The following FBXO27 variants were observed in gnomAD, a reference collection of about 807,000 sequenced individuals.
FBXO27 encodes the protein F-box protein 27.
A neutral mutation model predicts 28.3 loss-of-function variants in FBXO27; 28 were observed. The observed-to-expected ratio is 0.99, with a 90% confidence interval of 0.73 to 1.36. The LOEUF is 1.36. Among genes scored for constraint, FBXO27 ranks in the 40% most tolerant of loss-of-function variants. The pLI is 0.00. For synonymous variants in FBXO27, 175 were observed against 167.3 expected (o/e 1.05, Z -0.36); for missense variants, 388 against 394.1 (o/e 0.98, Z 0.13).
Position 39,032,323 on chromosome 19 carries a change from G to C in FBXO27, c.-26-70C>G. 7.4e-7 allele frequency: 1 copy of C among 1,359,222 alleles called. No individual in the cohort carries two copies. The highest frequency in any genetic ancestry group is 3.1e-5 in the East Asian group (1 of 32,200). The allele number at this position is 1,359,222 out of a possible 1,614,324, so 84.2% of individuals were successfully genotyped here. On this transcript the variant is annotated intron_variant, in intron 1 of 5. Coordinates refer to ENST00000292853, the MANE Select transcript of FBXO27 (RefSeq NM_178820.5). The surrounding 1 kb of genome is among the most constrained non-coding windows in gnomAD (Gnocchi z 4.7). ...GCGGCGCGCAGCCTCTGCCTGCCCT[G>C]ATTCTGCCAGCCGCACCCCCGTCTT...
intron 2 of FBXO27, among the ~76,000 whole-genome samples, chr19:39,013,011 A>G (rs1600222968): frequency 6.6e-6 from 1 of 151,924 alleles, no homozygotes; most frequent in Non-Finnish European, 1.5e-5. Flanking sequence ...GAAATCCTAA[A>G]TTTTCAAAAT....
intron 2 of FBXO27, among the ~76,000 whole-genome samples, chr19:39,013,377 C>T (rs146383709): frequency 0.02 from 3,058 of 152,258 alleles, 97 homozygotes; most frequent in African/African-American, 0.069. Flanking sequence ...TGCCTGCAAT[C>T]CCAGCACTTT....
intron 5 of FBXO27, 25 bp downstream of exon 5, chr19:39,026,844 TC>T (rs766519150): frequency 6.2e-7 from 1 of 1,612,942 alleles, no homozygotes; most frequent in Non-Finnish European, 8.5e-7. Context: ...CAGCATCCTT[TC>T]CCCAAACCCC....
chr19:39,026,475 T>C (rs370634083), intron 5 of FBXO27, among the ~76,000 whole-genome samples: 10 of 152,160 alleles, frequency 6.6e-5, no homozygotes, highest in African/African-American at 2.4e-4. Flanking sequence ...GTCAAATGAC[T>C]GTCATTGATT....
Position 39,018,750 on chromosome 19 carries a change from T to C in FBXO27, c.92-4203A>G, listed in dbSNP as rs151148154. 5.5e-4 allele frequency among the ~76,000 whole-genome samples: 84 copies of C among 152,284 alleles called. No homozygotes were observed. In the East Asian group the frequency reaches 0.015, roughly 27 times the overall value. On this transcript the variant is annotated intron_variant, in intron 1 of 2. Coordinates refer to the FBXO27 transcript ENST00000598394. ...GGCAAGCAGGAAATCCTTGCACTTT[T>C]TGTGAAATACCTTTTTATCTCATAC... is the stretch of plus-strand genomic sequence containing the variant.
At chr19:39,012,498 T>G (rs1371300079) in intron 2 of FBXO27, among the ~76,000 whole-genome samples, 1 of 152,214 alleles carries the variant, frequency 6.6e-6, no homozygotes, top group Non-Finnish European at 1.5e-5. Flanking sequence ...TTTCAAATTC[T>G]CATCTAAATG....
chr19:39,018,758 T>A (rs2072830985), intron 1 of FBXO27, among the ~76,000 whole-genome samples: 1 of 152,110 alleles, frequency 6.6e-6, no homozygotes, highest in East Asian at 1.9e-4. Flanking sequence ...TTTTGTGAAA[T>A]ACCTTTTTAT....
intron 5 of FBXO27, among the ~76,000 whole-genome samples, chr19:39,025,764 C>T (rs1270848415): frequency 1.3e-5 from 2 of 152,126 alleles, no homozygotes; most frequent in African/African-American, 4.8e-5. Flanking sequence ...CCTGTAATCC[C>T]AGCACTTTGG....
intron 2 of FBXO27, among the ~76,000 whole-genome samples, chr19:39,006,722 T>C (rs1975736669): frequency 6.6e-6 from 1 of 152,086 alleles, no homozygotes; most frequent in South Asian, 2.1e-4. Flanking sequence ...AAGTTGAAGC[T>C]GATCTGAACA....
At chr19:39,022,138 TTTCTA>T (rs1186992095), downstream of FBXO27, among the ~76,000 whole-genome samples, 41 of 137,574 alleles carry the variant, frequency 3.0e-4, no homozygotes, top group African/African-American at 7.1e-4. Flanking sequence ...CCCCAAATAT[TTTCTA>T]TTCTTTTTTT....
At chr19:39,026,781 C>A in intron 5 of FBXO27, 89 bp downstream of exon 5, 1 of 1,575,848 alleles carries the variant, frequency 6.3e-7, no homozygotes, top group Non-Finnish European at 8.6e-7. Flanking sequence ...CAGACTGTCA[C>A]TGATTTTAAG....
At chr19:39,025,889 G>A (rs1370432893) in intron 5 of FBXO27, among the ~76,000 whole-genome samples, 1 of 151,996 alleles carries the variant, frequency 6.6e-6, no homozygotes, top group African/African-American at 2.4e-5. Flanking sequence ...TTGGTGGCAC[G>A]TGCCTGTAGT....
chr19:39,008,449 T>C (rs80190658), intron 2 of FBXO27, among the ~76,000 whole-genome samples: 2,405 of 152,312 alleles, frequency 0.016, 29 homozygotes, highest in Middle Eastern at 0.027. Context: ...AAAATCAGTA[T>C]GTCTCATTCG....
At chr19:39,028,626 G>A (rs1020046741) in intron 4 of FBXO27, among the ~76,000 whole-genome samples, 3 of 152,012 alleles carry the variant, frequency 2.0e-5, no homozygotes, top group African/African-American at 7.2e-5. Context: ...ACTTTGGGAG[G>A]CAGAGGCGGG....
intron 1 of FBXO27, among the ~76,000 whole-genome samples, chr19:39,016,477 C>T (rs111262364): frequency 9.3e-5 from 14 of 150,994 alleles, no homozygotes; most frequent in African/African-American, 2.9e-4. Context: ...CTAGGCTGGG[C>T]GCGGTGGCTC....
intron 2 of FBXO27, among the ~76,000 whole-genome samples, chr19:39,011,833 T>C (rs1261318911): frequency 6.0e-5 from 9 of 149,106 alleles, no homozygotes; most frequent in East Asian, 5.9e-4. Flanking sequence ...TTTTCTTTTT[T>C]TTTTTTTTTT....
At position 39,025,436 on chromosome 19, in the gene FBXO27, A is replaced by C. The variant is rs2072867441; in HGVS notation, c.827T>G (p.Val276Gly). The change falls in exon 6 of 6, where the codon GTG (valine) becomes GGG (glycine). Residue 276 changes from valine to glycine, a missense_variant. By Grantham distance (109) the Val-to-Gly change is moderately radical. Coordinates refer to ENST00000292853, the MANE Select transcript of FBXO27 (RefSeq NM_178820.5). ...HYGARVTNSS[V>G]IVRVRLS ...CTAGGACAGACGGACTCGCACGATC[A>C]CACTGGAGTTGGTCACACGGGCTCC... 2 of 1,613,838 alleles carry C rather than the reference A, an allele frequency of 1.2e-6. No homozygotes were observed. Among genetic ancestry groups the C allele is most frequent in the East Asian group, 4.5e-5 (2 of 44,872 alleles).
chr19:39,026,493 T>TA (rs1052149909), intron 5 of FBXO27, among the ~76,000 whole-genome samples: 1 of 152,042 alleles, frequency 6.6e-6, no homozygotes, highest in Non-Finnish European at 1.5e-5. Context: ...ATTTTTTTTT[T>TA]AGACAGAGTC....
Position 39,032,296 on chromosome 19 carries a change from C to G in FBXO27, c.-26-43G>C, listed in dbSNP as rs900373390. ...TCAAGGCGTCAGGGACCAGCAGCCT[C>G]CGCGGCGCGCAGCCTCTGCCTGCCC... On this transcript the variant is annotated intron_variant, in intron 1 of 5. Transcript: ENST00000292853. The surrounding 1 kb of genome is among the most constrained non-coding windows in gnomAD (Gnocchi z 4.7). The G allele has an allele frequency of 1.5e-6, 2 of 1,373,736 alleles. No homozygotes were observed. Among genetic ancestry groups the G allele is most frequent in the Non-Finnish European group, 1.9e-6 (2 of 1,076,080 alleles). 85.1% of individuals were successfully genotyped at this position (1,373,736 alleles called of 1,614,324 possible).
Sources: gnomAD v4.1 joint callset for allele counts (sites outside exome capture counted in the v4.1 genomes callset) on GRCh38, gnomAD v4.1.1 for gene constraint, Gnocchi (gnomAD v3.1) non-coding constraint, MANE v1.5 for transcripts, NCBI Gene and HGNC (gene_info 2026-07-23, HGNC 2026-07-21) for gene names.